The following GRID2 variants were observed in gnomAD, a reference collection of about 807,000 sequenced individuals.
GRID2 encodes the protein glutamate receptor ionotropic, delta-2.
Under a neutral mutation model 114.8 loss-of-function variants are expected in GRID2, and 33 were observed. The ratio of observed to expected loss-of-function variants is 0.29; its 90% CI spans 0.22 to 0.38. The LOEUF (loss-of-function observed/expected upper bound fraction) is 0.38, where lower values mean the gene tolerates loss of function less well. Ranked by LOEUF, GRID2 falls within the 10% of genes least tolerant of loss-of-function variation. The pLI is 1.00. For missense variants in GRID2, 1,184 were observed against 1,257.7 expected, an observed-to-expected ratio of 0.94 and a Z score of 0.89; for synonymous variants, 505 against 449.9, an observed-to-expected ratio of 1.12 and a Z score of -1.55.
chr4:92,390,266 T>G (rs1730176949), intron 1 of GRID2, among the ~76,000 whole-genome samples: 2 of 152,144 alleles, frequency 1.3e-5, no homozygotes, highest in African/African-American at 4.8e-5. Flanking sequence ...TGAATAGAAA[T>G]GACTATAAAT....
intron 1 of GRID2, among the ~76,000 whole-genome samples, chr4:92,334,255 A>G (rs1172035583): frequency 3.9e-5 from 6 of 152,178 alleles, no homozygotes; most frequent in Non-Finnish European, 7.3e-5. Flanking sequence ...AATCCCTAAG[A>G]AGATTTAGGC....
At chr4:93,154,733 G>A (rs568998265) in intron 4 of GRID2, among the ~76,000 whole-genome samples, 3 of 150,596 alleles carry the variant, frequency 2.0e-5, no homozygotes, top group Admixed American at 6.6e-5. Flanking sequence ...CTCTGTATTC[G>A]TGGCAAAAAA....
chr4:92,340,489 G>A (rs1353914886), intron 1 of GRID2, among the ~76,000 whole-genome samples: 3 of 152,084 alleles, frequency 2.0e-5, no homozygotes, highest in African/African-American at 7.2e-5. Context: ...TGTGCTTCCT[G>A]ATCTTTGACT....
At chr4:92,486,231 A>G (rs1722882531) in intron 1 of GRID2, among the ~76,000 whole-genome samples, 1 of 151,722 alleles carries the variant, frequency 6.6e-6, no homozygotes. Flanking sequence ...ACCGGTAATC[A>G]CCTTTATCAT....
chr4:93,437,136 T>C (rs956754555), intron 10 of GRID2, among the ~76,000 whole-genome samples: 4 of 152,046 alleles, frequency 2.6e-5, no homozygotes, highest in Non-Finnish European at 4.4e-5. Context: ...ACTGACCAAA[T>C]AACAACTATA....
chr4:92,563,175 T>G (rs1727178477), intron 1 of GRID2, among the ~76,000 whole-genome samples: 1 of 152,160 alleles, frequency 6.6e-6, no homozygotes, highest in Admixed American at 6.6e-5. Context: ...TTTAATGGTT[T>G]AAAAAATGGT....
intron 1 of GRID2, among the ~76,000 whole-genome samples, chr4:92,457,522 C>T (rs941493289): frequency 3.3e-5 from 5 of 152,058 alleles, no homozygotes; most frequent in South Asian, 4.1e-4. Flanking sequence ...ATACACAAGT[C>T]GGACTTAAGT....
chr4:92,334,870 C>T (rs1727083786), intron 1 of GRID2, among the ~76,000 whole-genome samples: 1 of 152,224 alleles, frequency 6.6e-6, no homozygotes. Context: ...CCAAGAAAAT[C>T]ACAGAGGAAC....
intron 7 of GRID2, among the ~76,000 whole-genome samples, chr4:93,230,572 C>A (rs1190742433): frequency 6.6e-6 from 1 of 151,896 alleles, no homozygotes; most frequent in Non-Finnish European, 1.5e-5. Flanking sequence ...GTTAATCTAA[C>A]CTTTTTATTC....
intron 3 of GRID2, among the ~76,000 whole-genome samples, chr4:93,097,535 C>T (rs781407390): frequency 1.3e-5 from 2 of 151,690 alleles, no homozygotes; most frequent in Non-Finnish European, 2.9e-5. Context: ...AATGCCTGGG[C>T]CTCATTCCAA....
chr4:93,287,202 G>C (rs903006759), intron 8 of GRID2, among the ~76,000 whole-genome samples: 1 of 152,142 alleles, frequency 6.6e-6, no homozygotes, highest in African/African-American at 2.4e-5. Context: ...TATCATTATG[G>C]AGTTGTAAAG....
At chr4:93,041,737 A>G (rs1163316127) in intron 2 of GRID2, among the ~76,000 whole-genome samples, 1 of 152,166 alleles carries the variant, frequency 6.6e-6, no homozygotes, top group African/African-American at 2.4e-5. Flanking sequence ...CATTTTACAT[A>G]ATCAGTAATG....
chr4:92,411,655 G>GTGTATATA, intron 1 of GRID2, among the ~76,000 whole-genome samples: 18 of 84,688 alleles, frequency 2.1e-4, no homozygotes, highest in African/African-American at 4.1e-4. Context: ...GTGTGTGTGT[G>GTGTATATA]TATATATATA....
chr4:93,511,695 G>C lies in GRID2; in HGVS notation c.1998-3521G>C, dbSNP rs533732657. ...AGATATGTGGTTAGGTAGAGAAACA[G>C]AGTATACTATGAGTTATACATACTA... On this transcript the variant is annotated intron_variant, in intron 12 of 15. Coordinates refer to ENST00000282020, the MANE Select transcript of GRID2 (RefSeq NM_001510.4). 3.9e-5 allele frequency among the ~76,000 whole-genome samples: 6 copies of C among 152,124 alleles called. No individual in the cohort carries two copies. The South Asian group carries it at 1.2e-3, about 32-fold the overall frequency.
intron 2 of GRID2, among the ~76,000 whole-genome samples, chr4:92,946,463 A>C (rs1056235440): frequency 1.3e-5 from 2 of 151,970 alleles, no homozygotes; most frequent in Non-Finnish European, 2.9e-5. Flanking sequence ...GAAGTAGCTT[A>C]TTCACATATT....
chr4:93,382,363 T>A (rs1171321624), intron 8 of GRID2, among the ~76,000 whole-genome samples: 2 of 152,064 alleles, frequency 1.3e-5, no homozygotes, highest in African/African-American at 4.8e-5. Context: ...CCATAATGCA[T>A]CTGTTTGTCC....
rs767375689 is a variant in GRID2, at chr4:93,772,479, A to G, written c.3005A>G (p.Asp1002Gly). ...GGGCTCAATCTGGGTAATGATCCAG[A>G]CCGAGGCACCTCCATATGAGCATCA... ...TLGLNLGNDP[D>G]RGTSI Residue 1002 changes from aspartate to glycine, a missense_variant, in exon 16 of 16, where the codon GAC (aspartate) becomes GGC (glycine). By Grantham distance (94) the Asp-to-Gly change is moderately conservative. Coordinates refer to ENST00000282020, the MANE Select transcript of GRID2 (RefSeq NM_001510.4). The G allele has an allele frequency of 1.9e-6, 3 of 1,596,294 alleles. No individual in the cohort carries two copies. Among genetic ancestry groups the G allele is most frequent in the Non-Finnish European group, 2.6e-6 (3 of 1,170,792 alleles).
At chr4:93,296,989 T>G (rs189258426) in intron 8 of GRID2, among the ~76,000 whole-genome samples, 5 of 152,346 alleles carry the variant, frequency 3.3e-5, no homozygotes. Context: ...AAACATATAT[T>G]GGTATTGTCA....
Position 93,198,874 on chromosome 4 carries a change from G to C in GRID2, c.736-8530G>C, listed in dbSNP as rs148749198. On this transcript the variant is annotated intron_variant, in intron 4 of 15. Transcript: ENST00000282020. ...GCTTCAAGATAGCAAGAAAGCCTTA[G>C]TTCATAAATCCTAGCAATTAAGTGC... Among the ~76,000 whole-genome samples the C allele has an allele frequency of 4.3e-3, 654 of 152,146 alleles. 8 individuals are homozygous for C. Among genetic ancestry groups the C allele is most frequent in the African/African-American group, 0.015 (626 of 41,508 alleles).
Sources: gnomAD v4.1 joint callset for allele counts (sites outside exome capture counted in the v4.1 genomes callset) on GRCh38, gnomAD v4.1.1 for gene constraint, MANE v1.5 for transcripts, NCBI Gene and HGNC (gene_info 2026-07-23, HGNC 2026-07-21) for gene names.